Variants in GALNT7 observed in about 807,000 individuals in gnomAD.
GALNT7 encodes polypeptide N-acetylgalactosaminyltransferase 7, also known as N-acetylgalactosaminyltransferase 7.
Under a neutral mutation model 82.1 loss-of-function variants are expected in GALNT7, and 60 were observed. The observed-to-expected ratio is 0.73, with a 90% CI of 0.59 to 0.91. GALNT7 has a LOEUF of 0.91. GALNT7 is among the 40% of genes least tolerant of loss of function. The pLI is 0.00. For missense variants in GALNT7, 660 were observed against 804.2 expected (o/e 0.82, Z 2.17); for synonymous variants, 243 against 275.1 (o/e 0.88, Z 1.15).
intron 6 of GALNT7, among the ~76,000 whole-genome samples, chr4:173,300,156 C>T (rs1218991931): frequency 6.6e-6 from 1 of 152,100 alleles, no homozygotes; most frequent in African/African-American, 2.4e-5. Context: ...GTGAATCAGA[C>T]AGAAATTAAA....
intron 1 of GALNT7, among the ~76,000 whole-genome samples, chr4:173,228,517 G>T (rs1449505171): frequency 6.6e-6 from 1 of 151,888 alleles, no homozygotes; most frequent in Non-Finnish European, 1.5e-5. Flanking sequence ...CATTTTGTTT[G>T]TTTCTAGTAG....
At chr4:173,275,076 C>T (rs1735852677) in intron 2 of GALNT7, among the ~76,000 whole-genome samples, 1 of 152,214 alleles carries the variant, frequency 6.6e-6, no homozygotes, top group Non-Finnish European at 1.5e-5. Flanking sequence ...TACATCTTCT[C>T]TCATGGTATC....
Position 173,234,700 on chromosome 4 carries a change from G to T in GALNT7, c.127-13280G>T, listed in dbSNP as rs568712179. On this transcript the variant is annotated intron_variant, in intron 1 of 11. Transcript: ENST00000265000. ...TTGGAGGTGAGGCCTAATGGGAAGT[G>T]ATTGGGTCATGGAGGCAGATCCCTC... Among the ~76,000 whole-genome samples the T allele has an allele frequency of 2.6e-5, 4 of 152,344 alleles. No homozygotes were observed. In the South Asian group the frequency reaches 8.3e-4, roughly 32 times the overall value.
chr4:173,303,358 G>C (rs934065565), intron 7 of GALNT7, among the ~76,000 whole-genome samples: 1 of 152,162 alleles, frequency 6.6e-6, no homozygotes, highest in African/African-American at 2.4e-5. Flanking sequence ...GGAACATTCA[G>C]AGAACAGCAA....
intron 1 of GALNT7, among the ~76,000 whole-genome samples, chr4:173,233,971 A>C (rs941923718): frequency 6.6e-6 from 1 of 151,738 alleles, no homozygotes; most frequent in African/African-American, 2.4e-5. Flanking sequence ...ACATCTCCCA[A>C]CTCCACACTT....
In GALNT7 at chr4:173,170,156, A is replaced by G. The variant is rs138586502; in HGVS notation, c.126+1195A>G. Among the ~76,000 whole-genome samples the G allele has an allele frequency of 6.1e-3, 922 of 151,996 alleles. 5 individuals carry two copies. Among genetic ancestry groups the G allele is most frequent in the African/African-American group, 0.021 (888 of 41,442 alleles). On this transcript the variant is annotated intron_variant, in intron 1 of 11. Coordinates refer to ENST00000265000, the MANE Select transcript of GALNT7 (RefSeq NM_017423.3). ...TTCCCCCCGGATGAACCGTTGCACCACCTGCTTCCTCCTCCCCGCTGGGAC... is the reference window on the plus strand; with the variant it reads ...TTCCCCCCGGATGAACCGTTGCACCGCCTGCTTCCTCCTCCCCGCTGGGAC...
At chr4:173,194,814 G>A (rs942989263) in intron 1 of GALNT7, among the ~76,000 whole-genome samples, 9 of 151,516 alleles carry the variant, frequency 5.9e-5, no homozygotes, top group African/African-American at 1.2e-4. Context: ...AACAGGCCCC[G>A]GTGTGTGATG....
intron 2 of GALNT7, among the ~76,000 whole-genome samples, chr4:173,276,932 C>T (rs1014371849): frequency 1.3e-5 from 2 of 151,962 alleles, no homozygotes; most frequent in Admixed American, 1.3e-4. Context: ...TAGGACCTTC[C>T]AAGTAGTACC....
At chr4:173,262,835 C>T (rs144817032) in intron 2 of GALNT7, among the ~76,000 whole-genome samples, 4 of 152,230 alleles carry the variant, frequency 2.6e-5, no homozygotes, top group African/African-American at 9.6e-5. Context: ...ATTAAAAAGG[C>T]ATACACTCAA....
At chr4:173,268,519 T>C (rs1453492405) in intron 2 of GALNT7, among the ~76,000 whole-genome samples, 1 of 148,530 alleles carries the variant, frequency 6.7e-6, no homozygotes, top group Non-Finnish European at 1.5e-5. Flanking sequence ...AGGACACTTG[T>C]TTTCTCTCTC....
intron 1 of GALNT7, among the ~76,000 whole-genome samples, chr4:173,227,835 G>C (rs975025239): frequency 1.4e-4 from 22 of 151,956 alleles, no homozygotes; most frequent in Admixed American, 5.2e-4. Context: ...CTTAAGCTAG[G>C]GTTTTTGTTT....
At chr4:173,294,011 G>A (rs965732461) in intron 3 of GALNT7, among the ~76,000 whole-genome samples, 1 of 152,198 alleles carries the variant, frequency 6.6e-6, no homozygotes, top group African/African-American at 2.4e-5. Flanking sequence ...CCGAGGAAGG[G>A]CAGTGAATAT....
intron 1 of GALNT7, among the ~76,000 whole-genome samples, chr4:173,233,353 A>G (rs550396739): frequency 2.6e-5 from 4 of 152,314 alleles, no homozygotes; most frequent in Non-Finnish European, 1.5e-5. Flanking sequence ...ATTCTCACCA[A>G]CAGTGTATAA....
At chr4:173,271,166 G>A (rs138395203) in intron 2 of GALNT7, among the ~76,000 whole-genome samples, 6 of 152,298 alleles carry the variant, frequency 3.9e-5, no homozygotes, top group Admixed American at 3.3e-4. Context: ...AATTCTGTTA[G>A]TAAGTTGACA....
At chr4:173,220,614 T>A (rs1293206475) in intron 1 of GALNT7, among the ~76,000 whole-genome samples, 1 of 151,826 alleles carries the variant, frequency 6.6e-6, no homozygotes, top group Non-Finnish European at 1.5e-5. Context: ...ACTCGTCATC[T>A]AGCATTAGGT....
chr4:173,282,234 G>T (rs1415295718), intron 2 of GALNT7, among the ~76,000 whole-genome samples: 1 of 152,170 alleles, frequency 6.6e-6, no homozygotes, highest in Non-Finnish European at 1.5e-5. Flanking sequence ...ATAACTGTGG[G>T]TTTGTTTTAG....
chr4:173,210,436 T>C (rs1384904156), intron 1 of GALNT7, among the ~76,000 whole-genome samples: 1 of 151,964 alleles, frequency 6.6e-6, no homozygotes, highest in African/African-American at 2.4e-5. Flanking sequence ...GAACAGAAAA[T>C]CTCTTTTACT....
chr4:173,272,845 A>AATGTT (rs1395418715), intron 2 of GALNT7, among the ~76,000 whole-genome samples: 1 of 152,216 alleles, frequency 6.6e-6, no homozygotes, highest in African/African-American at 2.4e-5. Context: ...TGAGTTAATA[A>AATGTT]ATGTTAACTG....
intron 1 of GALNT7, among the ~76,000 whole-genome samples, chr4:173,218,100 T>C (rs1299471970): frequency 2.0e-5 from 3 of 152,234 alleles, no homozygotes; most frequent in Non-Finnish European, 4.4e-5. Flanking sequence ...CAATACCTTA[T>C]GCTATTCATT....
Sources: allele counts gnomAD v4.1 joint callset (sites outside exome capture counted in the v4.1 genomes callset), GRCh38; gene constraint gnomAD v4.1.1; transcripts MANE v1.5; gene names NCBI Gene and HGNC (gene_info 2026-07-23, HGNC 2026-07-21).